The following SEC24B variants were observed in gnomAD, a reference collection of about 807,000 sequenced individuals.
The protein encoded by SEC24B is protein transport protein Sec24B.
Under a neutral mutation model 142.8 loss-of-function variants are expected in SEC24B, and 45 were observed. The ratio of observed to expected loss-of-function variants is 0.32; its 90% CI spans 0.25 to 0.40. SEC24B has a LOEUF of 0.40. Ranked by LOEUF, SEC24B falls within the 10% of genes least tolerant of loss-of-function variation. The probability of loss-of-function intolerance (pLI) is 1.00; values close to 1 mark genes in which losing one functional copy is unlikely to be tolerated. For synonymous variants in SEC24B, 574 were observed against 568.2 expected, an observed-to-expected ratio of 1.01 and a Z score of -0.15; for missense variants, 1,409 against 1,526.8, an observed-to-expected ratio of 0.92 and a Z score of 1.29.
chr4:109,538,048 T>G (rs537780025), intron 22 of SEC24B, among the ~76,000 whole-genome samples: 59 of 152,322 alleles, frequency 3.9e-4, no homozygotes, highest in Non-Finnish European at 8.1e-4. Flanking sequence ...ACTTTAAAAT[T>G]CTTTGCCTTT....
intron 20 of SEC24B, 113 bp from the exon 21 acceptor site, chr4:109,532,526 C>G: frequency 2.7e-6 from 2 of 737,674 alleles, no homozygotes; most frequent in Admixed American, 2.1e-5. Flanking sequence ...TTATATCATG[C>G]AAAACTCCCA....
chr4:109,521,083 G>A (rs377164763), intron 12 of SEC24B, 34 bp from the exon 13 acceptor site: 667 of 1,300,046 alleles, frequency 5.1e-4, no homozygotes, highest in Non-Finnish European at 6.7e-4. Context: ...TCTTTTGTTC[G>A]ATTTGTTGAT....
At chr4:109,522,952 T>C (rs1723814007) in intron 14 of SEC24B, among the ~76,000 whole-genome samples, 1 of 152,166 alleles carries the variant, frequency 6.6e-6, no homozygotes, top group African/African-American at 2.4e-5. Context: ...CAGGCTGGCC[T>C]CAAACTGCCG....
intron 4 of SEC24B, among the ~76,000 whole-genome samples, 199 bp from the exon 5 acceptor site, chr4:109,491,128 A>G (rs989453077): frequency 6.6e-6 from 1 of 152,092 alleles, no homozygotes; most frequent in East Asian, 1.9e-4. Context: ...TCAGCTTCAT[A>G]TTCTCTCCAC....
chr4:109,448,042 T>C (rs911144468), intron 1 of SEC24B, among the ~76,000 whole-genome samples: 8 of 152,250 alleles, frequency 5.3e-5, no homozygotes, highest in Non-Finnish European at 8.8e-5. Context: ...CTGACTCTCT[T>C]CTACCTCTGC....
chr4:109,528,379 C>T (rs1482612947), intron 18 of SEC24B, among the ~76,000 whole-genome samples: 1 of 149,848 alleles, frequency 6.7e-6, no homozygotes, highest in Non-Finnish European at 1.5e-5. Context: ...TGAGCCGAGC[C>T]GAGGTCTCGC....
At position 109,453,617 on chromosome 4, in the gene SEC24B, T is replaced by C. The variant is rs972424041; in HGVS notation, c.134-9284T>C. On this transcript the variant is annotated intron_variant, in intron 1 of 23. Transcript: ENST00000265175. ...CCCTTGTTCCTGAAAATCGCTGTTA[T>C]CCTGTTCTTAAGGTGCCCAGATTTC... Among the ~76,000 whole-genome samples, 6 of 152,130 alleles carry C rather than the reference T, an allele frequency of 3.9e-5. No homozygotes were observed. In the South Asian group the frequency reaches 8.3e-4, roughly 21 times the overall value.
At chr4:109,454,007 G>A (rs910851925) in intron 1 of SEC24B, among the ~76,000 whole-genome samples, 3 of 152,038 alleles carry the variant, frequency 2.0e-5, no homozygotes, top group Admixed American at 1.3e-4. Context: ...ACAGGCATGC[G>A]CCACCACACC....
At chr4:109,533,855 TA>T (rs1300119140) in intron 22 of SEC24B, among the ~76,000 whole-genome samples, 170 bp downstream of exon 22, 1 of 152,174 alleles carries the variant, frequency 6.6e-6, no homozygotes, top group African/African-American at 2.4e-5. Context: ...CTTATCACCC[TA>T]AAAGAACCCC....
Position 109,473,206 on chromosome 4 carries a change from T to C in SEC24B, c.1060+20T>C. ...AAAAAGGTATTTGAGATATTTATTATTGTATATGCACACAGACACACATAC... is the reference window on the plus strand; with the variant it reads ...AAAAAGGTATTTGAGATATTTATTACTGTATATGCACACAGACACACATAC... On this transcript the variant is annotated intron_variant, in intron 3 of 23. Coordinates refer to ENST00000265175, the MANE Select transcript of SEC24B (RefSeq NM_006323.5). 1 of 1,504,934 alleles carries C rather than the reference T, an allele frequency of 6.6e-7. No homozygotes were observed. Among genetic ancestry groups the C allele is most frequent in the Non-Finnish European group, 9.0e-7 (1 of 1,115,360 alleles). 93.2% of individuals were successfully genotyped at this position (1,504,934 alleles called of 1,614,324 possible).
At chr4:109,537,912 T>TA (rs1293581484) in intron 22 of SEC24B, among the ~76,000 whole-genome samples, 2 of 152,230 alleles carry the variant, frequency 1.3e-5, no homozygotes, top group African/African-American at 4.8e-5. Flanking sequence ...CTATTTAATT[T>TA]ACAGTTGGCT....
intron 2 of SEC24B, among the ~76,000 whole-genome samples, chr4:109,467,516 A>G (rs1732075746): frequency 6.6e-6 from 1 of 152,126 alleles, no homozygotes; most frequent in Non-Finnish European, 1.5e-5. Context: ...GAATTGTAAT[A>G]GATAATAAGT....
chr4:109,491,490 A>G, intron 5 of SEC24B, 83 bp downstream of exon 5: 3 of 969,138 alleles, frequency 3.1e-6, no homozygotes, highest in Non-Finnish European at 4.9e-6. Flanking sequence ...TGTATTACAC[A>G]TAATAGCAGG....
chr4:109,526,466 G>A (rs1724239687), intron 17 of SEC24B, 67 bp downstream of exon 17: 1 of 1,176,582 alleles, frequency 8.5e-7, no homozygotes, highest in South Asian at 1.5e-5. Context: ...ATGGCCTTTA[G>A]TGGAGTGGGG....
At chr4:109,440,059 G>A (rs1435578206) in intron 1 of SEC24B, among the ~76,000 whole-genome samples, 14 of 151,420 alleles carry the variant, frequency 9.2e-5, no homozygotes, top group Non-Finnish European at 1.6e-4. Flanking sequence ...GGTGGAGGTC[G>A]TGGTGAGCCA....
At chr4:109,449,415 A>C in intron 1 of SEC24B, 1 of 188,142 alleles carries the variant, frequency 5.3e-6, no homozygotes, top group Non-Finnish European at 1.1e-5. Context: ...TTTTTTTTGT[A>C]GAGACGGGAT....
chr4:109,538,493 A>G lies in SEC24B; in HGVS notation c.3589A>G (p.Thr1197Ala). Residue 1197 changes from threonine to alanine, a missense_variant and splice_region_variant, in exon 23 of 24, where the codon ACA (threonine) becomes GCA (alanine). By Grantham distance (58) the Thr-to-Ala change is moderately conservative. Transcript: ENST00000265175. Reference protein sequence around the residue: ...TNFASIPQKMTHLPELDTLSS... With the variant: ...TNFASIPQKMAHLPELDTLSS... The stretch of plus-strand genomic sequence containing the variant: ...TTCCTAATTGTATTTCTTTTACCAG[A>G]CACATCTTCCAGAGCTAGATACACT... 6.2e-7 allele frequency: 1 copy of G among 1,604,674 alleles called. No individual in the cohort carries two copies. Among genetic ancestry groups the G allele is most frequent in the Non-Finnish European group, 8.5e-7 (1 of 1,171,642 alleles).
intron 9 of SEC24B, among the ~76,000 whole-genome samples, chr4:109,513,345 G>A (rs1175070775): frequency 6.8e-6 from 1 of 148,082 alleles, no homozygotes; most frequent in Admixed American, 6.7e-5. Context: ...GTGCAGTGGT[G>A]TAATCTCAGC....
chr4:109,524,681 A>G (rs1289507841), intron 14 of SEC24B, 137 bp from the exon 15 acceptor site: 2 of 613,048 alleles, frequency 3.3e-6, no homozygotes, highest in African/African-American at 1.9e-5. Flanking sequence ...ATCATAGGGA[A>G]TCTGCACCAA....
Sources: allele counts gnomAD v4.1 joint callset (sites outside exome capture counted in the v4.1 genomes callset), GRCh38; gene constraint gnomAD v4.1.1; transcripts MANE v1.5; gene names NCBI Gene and HGNC (gene_info 2026-07-23, HGNC 2026-07-21).